Variants in CUL5 observed in about 807,000 individuals in gnomAD.
CUL5 encodes the protein cullin 5.
A neutral mutation model predicts 108.8 loss-of-function variants in CUL5; 26 were observed. The observed-to-expected ratio is 0.24, with a 90% confidence interval of 0.18 to 0.33. The LOEUF (loss-of-function observed/expected upper bound fraction) is 0.33, where lower values mean the gene tolerates loss of function less well. CUL5 is among the 10% of genes least tolerant of loss of function. CUL5 has a pLI of 1.00. For missense variants in CUL5, 524 were observed against 909.2 expected, an observed-to-expected ratio of 0.58 and a Z score of 5.45; for synonymous variants, 334 against 298.0, an observed-to-expected ratio of 1.12 and a Z score of -1.25.
intron 16 of CUL5, among the ~76,000 whole-genome samples, chr11:108,096,328 TAAA>T (rs71047670): frequency 1.2e-4 from 14 of 119,980 alleles, no homozygotes; most frequent in Admixed American, 1.8e-4. Flanking sequence ...ATCCCATCTC[TAAA>T]AAAAAAAAAA....
chr11:108,052,760 C>G lies in CUL5; in HGVS notation c.512C>G (p.Ala171Gly), dbSNP rs771559839. The change falls in exon 5 of 19, where the codon GCT becomes GGT. Residue 171 changes from alanine (A) to glycine (G), a missense_variant. Ala to Gly is a moderately conservative substitution (Grantham distance 60). Coordinates refer to ENST00000393094, the MANE Select transcript of CUL5 (RefSeq NM_003478.6). Reference protein sequence around the residue: ...KLVHAERLGEAFDSQLVIGVR... With the variant: ...KLVHAERLGEGFDSQLVIGVR... ...GTACATGCTGAGAGATTGGGAGAAG[C>G]TTTTGATTCTCAGCTGGTTATTGGA... The G allele has an allele frequency of 6.2e-7, 1 of 1,613,698 alleles. No homozygotes were observed. Among genetic ancestry groups the G allele is most frequent in the Non-Finnish European group, 8.5e-7 (1 of 1,179,764 alleles).
rs111296569 is a variant in CUL5, at chr11:108,020,662, G to A, written c.24+11290G>A. On this transcript the variant is annotated intron_variant, in intron 1 of 18. Transcript: ENST00000393094. ...CTCCCAGAGGGCTAGGATTAGAGGC[G>A]TGAGCCACTGTGCCTGGCCTTGTGT... Among the ~76,000 whole-genome samples the A allele has an allele frequency of 6.1e-3, 928 of 152,126 alleles. 13 individuals are homozygous for A. The highest frequency in any genetic ancestry group is 0.021 in the African/African-American group (874 of 41,500).
chr11:108,018,057 A>C (rs1398677884), intron 1 of CUL5, among the ~76,000 whole-genome samples: 1 of 152,168 alleles, frequency 6.6e-6, no homozygotes, highest in Non-Finnish European at 1.5e-5. Flanking sequence ...CTCATAGCCA[A>C]TCAGAGTGTC....
At chr11:108,091,350 C>T (rs1258472653) in intron 13 of CUL5, among the ~76,000 whole-genome samples, 2 of 146,052 alleles carry the variant, frequency 1.4e-5, no homozygotes, top group African/African-American at 4.9e-5. Context: ...CACACCCGGC[C>T]TATGTTATTT....
chr11:108,060,000 T>G (rs1863495301), intron 7 of CUL5, among the ~76,000 whole-genome samples: 1 of 152,164 alleles, frequency 6.6e-6, no homozygotes, highest in Non-Finnish European at 1.5e-5. Flanking sequence ...TAGGCACTGG[T>G]TCAGAGAAAA....
At chr11:108,029,376 G>A (rs1591281947) in intron 1 of CUL5, among the ~76,000 whole-genome samples, 1 of 152,242 alleles carries the variant, frequency 6.6e-6, no homozygotes, top group East Asian at 1.9e-4. Flanking sequence ...CAGTGAATGA[G>A]AGAATTGTAG....
Position 108,098,548 on chromosome 11 carries a change from A to C in CUL5, c.2148+19A>C. The C allele has an allele frequency of 6.8e-7, 1 of 1,465,652 alleles. No homozygotes were observed. The highest frequency in any genetic ancestry group is 9.0e-7 in the Non-Finnish European group (1 of 1,107,138). The allele number at this position is 1,465,652 out of a possible 1,614,324, so 90.8% of individuals were successfully genotyped here. A position where few individuals can be genotyped will look rare whatever the true frequency, so the allele number is the denominator to read the frequency against. On this transcript the variant is annotated intron_variant, in intron 18 of 18. Coordinates refer to ENST00000393094, the MANE Select transcript of CUL5 (RefSeq NM_003478.6). ...AACCCAGGTTTGTAATGTTGACAGAATGTCTGAAGTTTAAAAAAACTTTAG... is the reference window on the plus strand; with the variant it reads ...AACCCAGGTTTGTAATGTTGACAGACTGTCTGAAGTTTAAAAAAACTTTAG...
At chr11:108,039,369 C>G (rs946558363) in intron 2 of CUL5, among the ~76,000 whole-genome samples, 1 of 152,128 alleles carries the variant, frequency 6.6e-6, no homozygotes, top group African/African-American at 2.4e-5. Flanking sequence ...GTGTCTTTCT[C>G]CTCACCCTTC....
intron 17 of CUL5, among the ~76,000 whole-genome samples, 169 bp from the exon 18 acceptor site, chr11:108,098,237 A>G (rs141765755): frequency 0.024 from 3,597 of 152,322 alleles, 62 homozygotes; most frequent in Admixed American, 0.038. Context: ...GTTTAAGGAA[A>G]ATACATAGAG....
chr11:108,027,246 G>T (rs550325160), intron 1 of CUL5, among the ~76,000 whole-genome samples: 34 of 150,684 alleles, frequency 2.3e-4, no homozygotes, highest in African/African-American at 7.8e-4. Context: ...TAGTAGCTGG[G>T]ATTATAGGCG....
intron 1 of CUL5, among the ~76,000 whole-genome samples, chr11:108,030,078 A>T (rs1056691330): frequency 1.3e-5 from 2 of 152,216 alleles, no homozygotes; most frequent in Admixed American, 1.3e-4. Flanking sequence ...AGGGAAGAAT[A>T]AAAGAAGAAA....
intron 2 of CUL5, among the ~76,000 whole-genome samples, chr11:108,038,901 C>A (rs1862816626): frequency 6.6e-6 from 1 of 151,772 alleles, no homozygotes; most frequent in Non-Finnish European, 1.5e-5. Context: ...TGAGATTTTC[C>A]CCCCTTTTCT....
Position 108,033,876 on chromosome 11 carries a change from A to G in CUL5, c.99A>G (p.Glu33=), listed in dbSNP as rs983801669. 1.2e-6 allele frequency: 2 copies of G among 1,613,274 alleles called. No homozygotes were observed. Among genetic ancestry groups the G allele is most frequent in the South Asian group, 1.1e-5 (1 of 90,976 alleles). ...RPIVLKLLRQ[E]SVTKQQWFDL... is the part of the protein sequence containing the mutation. ...TTGTTTTGAAGCTTTTACGCCAGGA[A>G]TCTGTTACAAAACAGCAGTGGTTTG... The change falls in exon 2 of 19, where the codon GAA becomes GAG. Residue 33 remains glutamate (E), a synonymous_variant. Transcript: ENST00000393094.
chr11:108,060,565 G>A (rs1206300111), intron 7 of CUL5, among the ~76,000 whole-genome samples: 2 of 152,100 alleles, frequency 1.3e-5, no homozygotes, highest in Non-Finnish European at 2.9e-5. Context: ...GCTGGATGCC[G>A]TGGCCCACGC....
At position 108,041,645 on chromosome 11, in the gene CUL5, C is replaced by T. The variant is rs541488597; in HGVS notation, c.135-4625C>T. On this transcript the variant is annotated intron_variant, in intron 2 of 18. Transcript: ENST00000393094. ...TGCTCTTGTTGCCTAGGCTGGAGTG[C>T]AGTAGCGTGATCTCGGCTCACTGCA... Among the ~76,000 whole-genome samples the T allele has an allele frequency of 2.5e-3, 375 of 152,008 alleles. 2 individuals carry two copies. Among genetic ancestry groups the T allele is most frequent in the African/African-American group, 8.6e-3 (356 of 41,460 alleles).
At chr11:108,088,756 G>A in intron 12 of CUL5, 97 bp downstream of exon 12, 1 of 899,280 alleles carries the variant, frequency 1.1e-6, no homozygotes. Context: ...ATTTAAAAAT[G>A]TATTATCTGT....
At chr11:108,011,703 C>G (rs138795364) in intron 1 of CUL5, among the ~76,000 whole-genome samples, 13 of 152,124 alleles carry the variant, frequency 8.5e-5, no homozygotes, top group Admixed American at 2.6e-4. Flanking sequence ...TCTTGGTTCA[C>G]TGCAACTTCC....
At position 108,089,489 on chromosome 11, in the gene CUL5, C is replaced by T; in HGVS notation, c.1312-3C>T. 2 of 1,536,682 alleles carry T rather than the reference C, an allele frequency of 1.3e-6. No homozygotes were observed. Among genetic ancestry groups the T allele is most frequent in the Admixed American group, 2.3e-5 (1 of 42,786 alleles). On this transcript the variant is annotated splice_region_variant and splice_polypyrimidine_tract_variant and intron_variant, in intron 12 of 18. Transcript: ENST00000393094. ...ACTGAAAGTAACTTTATTTTTCATA[C>T]AGCTCTTGGTACTTAAGTATGTACA... is the stretch of plus-strand genomic sequence containing the variant.
At chr11:108,077,298 A>G (rs1055796376) in intron 10 of CUL5, among the ~76,000 whole-genome samples, 9 of 152,222 alleles carry the variant, frequency 5.9e-5, no homozygotes, top group African/African-American at 1.9e-4. Flanking sequence ...AATAAATAAG[A>G]TGGAGATAAA....
Sources: gnomAD v4.1 joint callset for allele counts (sites outside exome capture counted in the v4.1 genomes callset) on GRCh38, gnomAD v4.1.1 for gene constraint, MANE v1.5 for transcripts, NCBI Gene and HGNC (gene_info 2026-07-23, HGNC 2026-07-21) for gene names.